Variants in DNM3 observed in about 807,000 individuals in gnomAD.
DNM3 encodes the protein dynamin-3.
DNM3 carries 47 observed loss-of-function variants against 101.6 expected under a neutral mutation model. The ratio of observed to expected loss-of-function variants is 0.46; its 90% CI spans 0.37 to 0.59. The LOEUF (loss-of-function observed/expected upper bound fraction) is 0.59, where lower values mean the gene tolerates loss of function less well. Ranked by LOEUF, DNM3 falls within the 20% of genes least tolerant of loss-of-function variation. The pLI is 0.00. For missense variants in DNM3, 849 were observed against 1,085.7 expected (o/e 0.78, Z 3.06); for synonymous variants, 385 against 387.9 (o/e 0.99, Z 0.09).
At chr1:172,256,730 C>T (rs1420743954) in intron 15 of DNM3, among the ~76,000 whole-genome samples, 1 of 151,644 alleles carries the variant, frequency 6.6e-6, no homozygotes, top group African/African-American at 2.4e-5. Flanking sequence ...CATTTTAGGT[C>T]TTTTCAAACT....
intron 4 of DNM3, among the ~76,000 whole-genome samples, chr1:172,026,793 A>G (rs2048237504): frequency 1.3e-5 from 2 of 151,972 alleles, no homozygotes. Flanking sequence ...AGCTGGGACT[A>G]CAGGCACCTG....
At position 172,127,251 on chromosome 1, in the gene DNM3, A is replaced by C. The variant is rs150476669; in HGVS notation, c.1546-3924A>C. 4.9e-3 allele frequency among the ~76,000 whole-genome samples: 735 copies of C among 150,482 alleles called. 6 individuals carry two copies. The highest frequency in any genetic ancestry group is 0.046 in the South Asian group (215 of 4,704). On this transcript the variant is annotated intron_variant, in intron 13 of 20. Coordinates refer to ENST00000627582, the MANE Select transcript of DNM3 (RefSeq NM_015569.5). ...ACTTACGTCCACCCTTACTCTCTCAACCTCCCCGGCCTCACAAGATGAGGC... is the reference window on the plus strand; with the variant it reads ...ACTTACGTCCACCCTTACTCTCTCACCCTCCCCGGCCTCACAAGATGAGGC...
intron 13 of DNM3, among the ~76,000 whole-genome samples, chr1:172,114,171 G>C (rs964221372): frequency 3.3e-5 from 5 of 152,144 alleles, no homozygotes; most frequent in Non-Finnish European, 2.9e-5. Flanking sequence ...TGTGGAGAGA[G>C]GTAATAGGAG....
At chr1:171,906,259 T>G (rs1246414422) in intron 1 of DNM3, among the ~76,000 whole-genome samples, 1 of 151,576 alleles carries the variant, frequency 6.6e-6, no homozygotes, top group African/African-American at 2.4e-5. Flanking sequence ...TCCCGTATAG[T>G]TGGGACCAAA....
At position 172,328,492 on chromosome 1, in the gene DNM3, G is replaced by A. The variant is rs143162664; in HGVS notation, c.1893+5152G>A. 4.2e-3 allele frequency among the ~76,000 whole-genome samples: 642 copies of A among 152,286 alleles called. 4 individuals carry two copies. The highest frequency in any genetic ancestry group is 0.015 in the African/African-American group (609 of 41,564). On this transcript the variant is annotated intron_variant, in intron 17 of 20. Coordinates refer to ENST00000627582, the MANE Select transcript of DNM3 (RefSeq NM_015569.5). ...CTTCACAGCAACATGGATGGAGCTGGAGGCCGTTATTCTAAGTGAATTAAT... is the reference window on the plus strand; with the variant it reads ...CTTCACAGCAACATGGATGGAGCTGAAGGCCGTTATTCTAAGTGAATTAAT...
At chr1:171,880,324 CAT>C (rs765435046) in intron 1 of DNM3, among the ~76,000 whole-genome samples, 3 of 152,182 alleles carry the variant, frequency 2.0e-5, no homozygotes, top group African/African-American at 4.8e-5. Context: ...TCAGTAATTA[CAT>C]AGTCAGATGT....
chr1:171,988,066 G>T (rs967586521), intron 3 of DNM3, among the ~76,000 whole-genome samples: 4 of 151,978 alleles, frequency 2.6e-5, no homozygotes, highest in Non-Finnish European at 5.9e-5. Context: ...ATTTGAGAAG[G>T]GTATATATGA....
At chr1:172,075,306 C>T (rs909256913) in intron 11 of DNM3, among the ~76,000 whole-genome samples, 1 of 152,074 alleles carries the variant, frequency 6.6e-6, no homozygotes, top group Non-Finnish European at 1.5e-5. Context: ...TGCAGAAGCT[C>T]TTTAGTTTAA....
At position 172,299,712 on chromosome 1, in the gene DNM3, CTT is replaced by C. The variant is rs1452591179; in HGVS notation, c.1770-9014_1770-9013del. On this transcript the variant is annotated intron_variant, in intron 15 of 20. Transcript: ENST00000627582. Reference sequence around the variant, plus strand: ...ATCCATGTTGTTGCAAAGGACATAACTTTGTTCTTTTTATGGGCTGCATAGTA... The same window carrying C: ...ATCCATGTTGTTGCAAAGGACATAACTGTTCTTTTTATGGGCTGCATAGTA... Among the ~76,000 whole-genome samples, 16 of 152,226 alleles carry C rather than the reference CTT, an allele frequency of 1.1e-4. No individual in the cohort carries two copies. In the East Asian group the frequency reaches 2.9e-3, roughly 28 times the overall value.
chr1:172,107,854 A>C (rs2055175628), intron 13 of DNM3, among the ~76,000 whole-genome samples: 1 of 152,244 alleles, frequency 6.6e-6, no homozygotes, highest in South Asian at 2.1e-4. Context: ...TTTCACATTC[A>C]GTGCAATAAC....
rs867925091 is a variant in DNM3 at position 171,986,513 on chromosome 1, G to A, written c.236-1143G>A. ...TCTACCTGCAGTAACTAAAGTGCCC[G>A]TGGGAGATCAGCCACAATAGCTCTC... On this transcript the variant is annotated intron_variant, in intron 2 of 20. Transcript: ENST00000627582. Among the ~76,000 whole-genome samples the A allele has an allele frequency of 3.3e-5, 5 of 152,172 alleles. No individual in the cohort carries two copies. In the East Asian group the frequency reaches 7.7e-4, roughly 24 times the overall value.
chr1:171,928,208 C>T (rs1339604027), intron 2 of DNM3, among the ~76,000 whole-genome samples: 1 of 152,178 alleles, frequency 6.6e-6, no homozygotes, highest in Non-Finnish European at 1.5e-5. Context: ...TGTGGCTCCC[C>T]TATTTTTCCT....
intron 14 of DNM3, among the ~76,000 whole-genome samples, chr1:172,186,674 C>T (rs535210433): frequency 5.3e-5 from 8 of 152,196 alleles, no homozygotes; most frequent in African/African-American, 1.9e-4. Context: ...CCCCCTCTCA[C>T]TGAAGGAATC....
intron 1 of DNM3, among the ~76,000 whole-genome samples, chr1:171,852,508 G>A (rs1219901733): frequency 6.6e-6 from 1 of 152,188 alleles, no homozygotes; most frequent in African/African-American, 2.4e-5. Flanking sequence ...AGTGGGTACA[G>A]GATTGCTATG....
At chr1:172,064,769 CA>C (rs1392740685) in intron 10 of DNM3, among the ~76,000 whole-genome samples, 1 of 152,136 alleles carries the variant, frequency 6.6e-6, no homozygotes, top group East Asian at 1.9e-4. Context: ...AGCTAGTAAC[CA>C]AACCAGTTGT....
At chr1:172,084,132 G>T (rs1005093083) in intron 12 of DNM3, among the ~76,000 whole-genome samples, 2 of 152,064 alleles carry the variant, frequency 1.3e-5, no homozygotes, top group African/African-American at 4.8e-5. Context: ...GTTTTGGCAA[G>T]GTGCTCAGCC....
At position 171,922,123 on chromosome 1, in the gene DNM3, TTGTGTGTGTG is replaced by T. The variant is rs3051604; in HGVS notation, c.235+325_235+334del. On this transcript the variant is annotated intron_variant, in intron 2 of 20. Transcript: ENST00000627582. ...ACCACTAATACTCCTTTGGTATGCTTTGTGTGTGTGTGTGTGTGTGTGTGTGTGTGTGCGT... is the reference window on the plus strand; with the variant it reads ...ACCACTAATACTCCTTTGGTATGCTTTGTGTGTGTGTGTGTGTGTGTGCGT... Among the ~76,000 whole-genome samples, 1,013 of 135,810 alleles carry T rather than the reference TTGTGTGTGTG, an allele frequency of 7.5e-3. 9 individuals are homozygous for T. The highest frequency in any genetic ancestry group is 0.027 in the African/African-American group (962 of 35,970). The allele number at this position is 135,810 out of a possible 152,430, so 89.1% of individuals were successfully genotyped here.
chr1:171,907,263 G>A (rs1486092233), intron 1 of DNM3, among the ~76,000 whole-genome samples: 3 of 152,084 alleles, frequency 2.0e-5, no homozygotes, highest in Non-Finnish European at 4.4e-5. Flanking sequence ...AGGCTGAGGC[G>A]GGCAGATCAC....
chr1:172,098,007 G>A (rs2054364476), intron 13 of DNM3, among the ~76,000 whole-genome samples: 1 of 152,140 alleles, frequency 6.6e-6, no homozygotes, highest in African/African-American at 2.4e-5. Context: ...AAGGCAAATG[G>A]AGGCAGGGTG....
Sources: allele counts gnomAD v4.1 joint callset (sites outside exome capture counted in the v4.1 genomes callset), GRCh38; gene constraint gnomAD v4.1.1; transcripts MANE v1.5; gene names NCBI Gene and HGNC (gene_info 2026-07-23, HGNC 2026-07-21).